ENPEP: variants seen among roughly 807,000 people sequenced by gnomAD.
ENPEP encodes AP-A.
In ENPEP, 103 loss-of-function variants were observed where a neutral mutation model predicts 114.5. The observed-to-expected ratio is 0.90, with a 90% CI of 0.77 to 1.06. The LOEUF is 1.06. Ranked by LOEUF, ENPEP falls within the 50% of genes least tolerant of loss-of-function variation. The pLI is 0.00. For missense variants in ENPEP, 1,196 were observed against 1,161.3 expected, an observed-to-expected ratio of 1.03 and a Z score of -0.43; for synonymous variants, 420 against 422.0, an observed-to-expected ratio of 1.00 and a Z score of 0.06.
chr4:110,542,612 GT>G, intron 11 of ENPEP, 138 bp from the exon 12 acceptor site: 1 of 775,114 alleles, frequency 1.3e-6, no homozygotes, highest in Non-Finnish European at 1.9e-6. Flanking sequence ...TAGGCTTTGG[GT>G]TTTGGATCCA....
chr4:110,542,964 A>T (rs1726907806), intron 12 of ENPEP, 51 bp from the exon 13 acceptor site: 3 of 1,609,238 alleles, frequency 1.9e-6, no homozygotes, highest in African/African-American at 1.3e-5. Context: ...TTTTTTCAAC[A>T]TGCTTTGCCT....
intron 3 of ENPEP, among the ~76,000 whole-genome samples, chr4:110,497,545 G>A (rs2110343129): frequency 6.6e-6 from 1 of 151,960 alleles, no homozygotes; most frequent in East Asian, 1.9e-4. Context: ...TAATCACTAA[G>A]CATCAGACAA....
intron 11 of ENPEP, among the ~76,000 whole-genome samples, chr4:110,540,277 TG>T (rs1423193716): frequency 6.6e-6 from 1 of 152,150 alleles, no homozygotes; most frequent in Non-Finnish European, 1.5e-5. Context: ...TGTTTGTGCA[TG>T]TGTGCATATA....
In ENPEP at chr4:110,502,030, G is replaced by C. The variant is rs370139004; in HGVS notation, c.919-4607G>C. Among the ~76,000 whole-genome samples, 13 of 152,296 alleles carry C rather than the reference G, an allele frequency of 8.5e-5. No individual in the cohort carries two copies. In the East Asian group the frequency reaches 1.3e-3, roughly 16 times the overall value. On this transcript the variant is annotated intron_variant, in intron 3 of 19. Transcript: ENST00000265162. ...TGGTTTTGATTTGCAGTTCTCTAATGATTAGTCATGTTGAGCATTTTTTCA... is the reference window on the plus strand; with the variant it reads ...TGGTTTTGATTTGCAGTTCTCTAATCATTAGTCATGTTGAGCATTTTTTCA...
chr4:110,498,344 G>T (rs1578395899), intron 3 of ENPEP, among the ~76,000 whole-genome samples: 1 of 103,744 alleles, frequency 9.6e-6, no homozygotes, highest in Non-Finnish European at 2.0e-5. Context: ...CAGCTCAGAT[G>T]AGACCTTGCA....
intron 4 of ENPEP, among the ~76,000 whole-genome samples, chr4:110,507,980 CAG>C (rs1725430841): frequency 1.3e-5 from 2 of 152,084 alleles, no homozygotes; most frequent in African/African-American, 4.8e-5. Context: ...TTAAAAATAT[CAG>C]AATAATATTT....
chr4:110,556,934 C>T (rs1282014455), intron 18 of ENPEP, among the ~76,000 whole-genome samples: 1 of 152,074 alleles, frequency 6.6e-6, no homozygotes, highest in Non-Finnish European at 1.5e-5. Context: ...GGTTCTCTGT[C>T]GTCATGAAGC....
At position 110,488,643 on chromosome 4, in the gene ENPEP, T is replaced by A. The variant is rs756698714; in HGVS notation, c.747T>A (p.His249Gln). 23 of 1,613,084 alleles carry A rather than the reference T, an allele frequency of 1.4e-5. No individual in the cohort carries two copies. The highest frequency in any genetic ancestry group is 1.9e-5 in the Non-Finnish European group (22 of 1,179,790). Residue 249 changes from histidine to glutamine, a missense_variant, in exon 2 of 20, where the codon CAT (histidine) becomes CAA (glutamine). Transcript: ENST00000265162. Reference sequence around the variant, plus strand: ...CAACTTATACAATATCTATCACCCATCCCAAAGAATACGGAGCACTTTCAA... The same window carrying A: ...CAACTTATACAATATCTATCACCCAACCCAAAGAATACGGAGCACTTTCAA... ...KKATYTISIT[H>Q]PKEYGALSNM...
intron 14 of ENPEP, among the ~76,000 whole-genome samples, 174 bp downstream of exon 14, chr4:110,548,500 T>C (rs78961652): frequency 0.011 from 1,620 of 152,146 alleles, 24 homozygotes; most frequent in African/African-American, 0.037. Flanking sequence ...GTCTATTCTT[T>C]TTCAATTTGA....
chr4:110,539,069 T>C (rs1169651887), intron 11 of ENPEP, among the ~76,000 whole-genome samples: 1 of 152,040 alleles, frequency 6.6e-6, no homozygotes, highest in Admixed American at 6.6e-5. Context: ...ATAATAATAA[T>C]GAAAAAGTTT....
intron 4 of ENPEP, among the ~76,000 whole-genome samples, chr4:110,507,338 G>A (rs926323175): frequency 6.6e-6 from 1 of 152,190 alleles, no homozygotes; most frequent in South Asian, 2.1e-4. Context: ...AAAATGGTGT[G>A]CATATGACAT....
Position 110,564,516 on chromosome 4 carries a change from C to A in ENPEP, c.*2958C>A, listed in dbSNP as rs924403384. The A allele has an allele frequency of 7.9e-5, 12 of 152,176 alleles. No individual in the cohort carries two copies. Among genetic ancestry groups the A allele is most frequent in the African/African-American group, 1.2e-4 (5 of 41,440 alleles). The allele number at this position is 152,176 out of a possible 1,614,324, so 9.4% of individuals were successfully genotyped here. ...ACATACGTATAGGAAATAACAATCA[C>A]TCAATAAGTGTTAGCTCTTATTATT... On this transcript the variant is annotated 3_prime_UTR_variant, in exon 20 of 20. Coordinates refer to ENST00000265162, the MANE Select transcript of ENPEP (RefSeq NM_001977.4).
intron 1 of ENPEP, among the ~76,000 whole-genome samples, chr4:110,485,547 C>G (rs1338179434): frequency 6.6e-6 from 1 of 152,142 alleles, no homozygotes; most frequent in Non-Finnish European, 1.5e-5. Flanking sequence ...ATTAATACAA[C>G]TATCTAATTC....
In ENPEP at chr4:110,548,184, T is replaced by C. The variant is rs1355917686; in HGVS notation, c.2009T>C (p.Leu670Pro). ...DDAFALARAQ[L>P]LDYKVALNLT... The stretch of plus-strand genomic sequence containing the variant: ...TTTTTTGTCTTTCTCAGAGCTCAAC[T>C]TCTAGATTATAAGGTGGCTTTGAAC... Residue 670 changes from leucine to proline, a missense_variant, in exon 14 of 20, where the codon CTT becomes CCT. By Grantham distance (98) the Leu-to-Pro change is moderately conservative. Transcript: ENST00000265162. 29 of 1,179,762 alleles carry C rather than the reference T, an allele frequency of 2.5e-5. No homozygotes were observed. The highest frequency in any genetic ancestry group is 3.3e-5 in the Non-Finnish European group (28 of 851,542). 73.1% of individuals were successfully genotyped at this position (1,179,762 alleles called of 1,614,324 possible).
intron 11 of ENPEP, among the ~76,000 whole-genome samples, chr4:110,541,850 A>G (rs1163939464): frequency 6.6e-6 from 1 of 152,138 alleles, no homozygotes; most frequent in African/African-American, 2.4e-5. Flanking sequence ...TAAACAAAAG[A>G]GTGTATGATG....
At chr4:110,488,431 T>C (rs975789214) in intron 1 of ENPEP, 110 bp from the exon 2 acceptor site, 3 of 1,306,568 alleles carry the variant, frequency 2.3e-6, no homozygotes, top group African/African-American at 3.0e-5. Context: ...TTTTTAGAAA[T>C]GTAATAGTTA....
intron 4 of ENPEP, among the ~76,000 whole-genome samples, chr4:110,508,288 AT>A (rs71595558): frequency 1.6e-4 from 24 of 149,926 alleles, no homozygotes; most frequent in Middle Eastern, 3.5e-3. Flanking sequence ...AAAAAAAAAA[AT>A]GAGATTGCAA....
chr4:110,502,633 T>A (rs1725205160), intron 3 of ENPEP, among the ~76,000 whole-genome samples: 1 of 152,212 alleles, frequency 6.6e-6, no homozygotes, highest in Non-Finnish European at 1.5e-5. Flanking sequence ...TTGGTCTGTG[T>A]GTCTATTTTT....
intron 10 of ENPEP, among the ~76,000 whole-genome samples, chr4:110,521,223 A>C (rs1725975795): frequency 6.6e-6 from 1 of 152,098 alleles, no homozygotes; most frequent in South Asian, 2.1e-4. Context: ...TTAAAAAGGC[A>C]CTGGAGTATG....
Sources: gnomAD v4.1 joint callset for allele counts (sites outside exome capture counted in the v4.1 genomes callset) on GRCh38, gnomAD v4.1.1 for gene constraint, MANE v1.5 for transcripts, NCBI Gene and HGNC (gene_info 2026-07-23, HGNC 2026-07-21) for gene names.